HS1BP3: variants seen among roughly 807,000 people sequenced by gnomAD.
The protein encoded by HS1BP3 is HCLS1 binding protein 3.
A neutral mutation model predicts 33.5 loss-of-function variants in HS1BP3; 32 were observed. The ratio of observed to expected loss-of-function variants is 0.95; its 90% CI spans 0.72 to 1.28. The LOEUF is 1.28. Ranked by LOEUF, HS1BP3 falls within the 50% of genes most tolerant of loss-of-function variation. The pLI, the probability that HS1BP3 is intolerant of heterozygous loss-of-function variation, is 0.00. For missense variants in HS1BP3, 486 were observed against 502.3 expected (o/e 0.97, Z 0.31); for synonymous variants, 187 against 209.2 (o/e 0.89, Z 0.92).
intron 5 of HS1BP3, among the ~76,000 whole-genome samples, chr2:20,574,255 T>A (rs950166942): frequency 6.6e-6 from 1 of 152,136 alleles, no homozygotes; most frequent in African/African-American, 2.4e-5. Flanking sequence ...TAGATCCCAT[T>A]TACTAAATGG....
intron 5 of HS1BP3, among the ~76,000 whole-genome samples, chr2:20,562,646 C>T (rs1413327554): frequency 6.6e-6 from 1 of 152,158 alleles, no homozygotes; most frequent in Non-Finnish European, 1.5e-5. Context: ...ACAATGCAGG[C>T]TTGCACGATT....
Position 20,641,053 on chromosome 2 carries a change from C to G in HS1BP3, c.326G>C (p.Arg109Thr). The G allele has an allele frequency of 6.2e-7, 1 of 1,614,172 alleles. No individual in the cohort carries two copies. Among genetic ancestry groups the G allele is most frequent in the South Asian group, 1.1e-5 (1 of 91,090 alleles). ...FVGESDIRER[R>T]AVFNEILRCV... ...GCGCAGGATCTCATTGAACACGGCT[C>G]TCCTCTCCCGGATGTCAGACTCCCC... is the stretch of plus-strand genomic sequence containing the variant. Residue 109 changes from arginine to threonine, a missense_variant, in exon 3 of 7, where the codon AGA (arginine) becomes ACA (threonine). By Grantham distance (71) the Arg-to-Thr change is moderately conservative. Coordinates refer to ENST00000304031, the MANE Select transcript of HS1BP3 (RefSeq NM_022460.4).
At chr2:20,572,621 A>G (rs1456854277) in intron 5 of HS1BP3, among the ~76,000 whole-genome samples, 1 of 152,126 alleles carries the variant, frequency 6.6e-6, no homozygotes, top group Non-Finnish European at 1.5e-5. Context: ...TAGAATTATT[A>G]TAAGGATTAA....
intron 5 of HS1BP3, among the ~76,000 whole-genome samples, chr2:20,573,902 T>A (rs1057061169): frequency 6.6e-6 from 1 of 152,194 alleles, no homozygotes; most frequent in Non-Finnish European, 1.5e-5. Flanking sequence ...CTGCCCTGCA[T>A]GGTGGCCTGG....
At chr2:20,559,520 GGGTGGATGGATGGATGCATGGATGGATA>G (rs1692927933), downstream of HS1BP3, among the ~76,000 whole-genome samples, 1 of 144,570 alleles carries the variant, frequency 6.9e-6, no homozygotes, top group Non-Finnish European at 1.5e-5. Flanking sequence ...GTAGATGGAT[GGGTGGATGGATGGATGCATGGATGGATA>G]GGTGGATGAA....
At chr2:20,631,681 C>CAGGA (rs1234092856) in intron 4 of HS1BP3, among the ~76,000 whole-genome samples, 1 of 151,962 alleles carries the variant, frequency 6.6e-6, no homozygotes, top group Non-Finnish European at 1.5e-5. Flanking sequence ...CTTGAGGGGC[C>CAGGA]AGGACTCAGT....
chr2:20,641,422 G>A (rs1344836), intron 2 of HS1BP3, among the ~76,000 whole-genome samples: 72,026 of 152,008 alleles, frequency 0.47, 17,931 homozygotes, highest in Non-Finnish European at 0.56. Context: ...TGCCATTCTG[G>A]ACACTGTCAC....
At position 20,631,553 on chromosome 2, in the gene HS1BP3, A is replaced by AAAAAAAAAT. The variant is rs377095058; in HGVS notation, c.624-6662_624-6661insATTTTTTTT. Among the ~76,000 whole-genome samples, 6 of 108,206 alleles carry AAAAAAAAAT rather than the reference A, an allele frequency of 5.5e-5. 2 individuals carry two copies. The highest frequency in any genetic ancestry group is 7.6e-5 in the Non-Finnish European group (4 of 52,662). 71.0% of individuals were successfully genotyped at this position (108,206 alleles called of 152,430 possible). ...AAAAAAAAAAAAAAAAAAAAAAAAA[A>AAAAAAAAAT]GGGGCCAGCCAGGGAGGTCACCATG... is the stretch of plus-strand genomic sequence containing the variant. On this transcript the variant is annotated intron_variant, in intron 4 of 6. Transcript: ENST00000304031.
chr2:20,646,357 C>G (rs1427213686), intron 1 of HS1BP3, among the ~76,000 whole-genome samples: 2 of 152,182 alleles, frequency 1.3e-5, no homozygotes, highest in Admixed American at 6.5e-5. Flanking sequence ...ACGGGAGGAG[C>G]TTCTGGAGCT....
intron 4 of HS1BP3, chr2:20,635,808 G>A (rs1360973502): frequency 6.6e-6 from 1 of 152,210 alleles, no homozygotes; most frequent in Non-Finnish European, 1.5e-5. Context: ...ATGGGCCGAG[G>A]TGAGGGCTTT....
chr2:20,587,132 G>A (rs1206918438), intron 5 of HS1BP3, among the ~76,000 whole-genome samples: 1 of 152,070 alleles, frequency 6.6e-6, no homozygotes, highest in African/African-American at 2.4e-5. Flanking sequence ...TGATAAAGGG[G>A]GTATTGAATA....
At chr2:20,589,532 G>C (rs1178036268), downstream of HS1BP3, among the ~76,000 whole-genome samples, 1 of 152,222 alleles carries the variant, frequency 6.6e-6, no homozygotes, top group African/African-American at 2.4e-5. Context: ...AATCGACTGA[G>C]GGACAACACC....
At chr2:20,624,987 G>A (rs1694733240) in intron 4 of HS1BP3, 95 bp from the exon 5 acceptor site, 2 of 1,429,192 alleles carry the variant, frequency 1.4e-6, no homozygotes, top group African/African-American at 1.4e-5. Flanking sequence ...CTGCAGTGGA[G>A]GGGCTGGATG....
rs79357655 is a variant in HS1BP3, at chr2:20,647,778, G to A, written c.33-2273C>T. On this transcript the variant is annotated intron_variant, in intron 1 of 6. Transcript: ENST00000304031. ...TACATAAACAAATGGGGGTGTGGTG[G>A]GCAGGATGTGCCCTAGACCAAGCTT... 6.9e-3 allele frequency among the ~76,000 whole-genome samples: 1,048 copies of A among 152,184 alleles called. 17 individuals are homozygous for A. Among genetic ancestry groups the A allele is most frequent in the African/African-American group, 0.023 (967 of 41,498 alleles).
chr2:20,606,105 T>C (rs1264001157), intron 2 of HS1BP3, among the ~76,000 whole-genome samples: 1 of 152,020 alleles, frequency 6.6e-6, no homozygotes, highest in Non-Finnish European at 1.5e-5. Flanking sequence ...CTCACCAACA[T>C]TTGTTATTTT....
At chr2:20,633,003 T>C (rs529108838) in intron 4 of HS1BP3, among the ~76,000 whole-genome samples, 1 of 152,244 alleles carries the variant, frequency 6.6e-6, no homozygotes, top group Non-Finnish European at 1.5e-5. Context: ...AGTGATAACA[T>C]TTTACAAAGG....
chr2:20,588,485 T>A (rs749844779), downstream of HS1BP3, among the ~76,000 whole-genome samples: 14 of 152,162 alleles, frequency 9.2e-5, no homozygotes, highest in Admixed American at 3.3e-4. Context: ...CTGGCTAATT[T>A]TTTTTTGCAT....
intron 6 of HS1BP3, among the ~76,000 whole-genome samples, chr2:20,619,826 G>C (rs572667149): frequency 9.2e-5 from 14 of 152,362 alleles, no homozygotes; most frequent in Non-Finnish European, 1.3e-4. Flanking sequence ...AGTTCAGCCA[G>C]AGAAAGAATA....
chr2:20,639,969 C>G (rs1695288030), intron 3 of HS1BP3: 1 of 152,268 alleles, frequency 6.6e-6, no homozygotes, highest in African/African-American at 2.4e-5. Context: ...GACACCGGGG[C>G]TGTGCAGCTT....
Sources: allele counts gnomAD v4.1 joint callset (sites outside exome capture counted in the v4.1 genomes callset), GRCh38; gene constraint gnomAD v4.1.1; transcripts MANE v1.5; gene names NCBI Gene and HGNC (gene_info 2026-07-23, HGNC 2026-07-21).